The following TAOK3 variants were observed in gnomAD, a reference collection of about 807,000 sequenced individuals.
The protein encoded by TAOK3 is TAO kinase 3, also known as serine/threonine-protein kinase TAO3.
TAOK3 carries 40 observed loss-of-function variants against 120.4 expected under a neutral mutation model. That is an observed-to-expected ratio of 0.33 (90% CI 0.26 to 0.43). The LOEUF is 0.43. TAOK3 is among the 20% of genes least tolerant of loss of function. The pLI, the probability that TAOK3 is intolerant of heterozygous loss-of-function variation, is 1.00. For synonymous variants in TAOK3, 355 were observed against 387.5 expected (o/e 0.92, Z 0.99); for missense variants, 821 against 1,112.1 (o/e 0.74, Z 3.72).
intron 1 of TAOK3, among the ~76,000 whole-genome samples, chr12:118,299,064 C>T (rs2042782501): frequency 6.6e-6 from 1 of 152,144 alleles, no homozygotes; most frequent in African/African-American, 2.4e-5. Flanking sequence ...TCCTGTGTTC[C>T]TCTTGTACTT....
intron 1 of TAOK3, among the ~76,000 whole-genome samples, chr12:118,331,970 G>A (rs761569499): frequency 1.2e-4 from 18 of 151,898 alleles, no homozygotes; most frequent in Non-Finnish European, 2.1e-4. Flanking sequence ...GGGATTACAC[G>A]TGTGCATCAC....
At chr12:118,157,399 C>T (rs1009352968) in intron 19 of TAOK3, among the ~76,000 whole-genome samples, 4 of 152,234 alleles carry the variant, frequency 2.6e-5, no homozygotes, top group Admixed American at 6.5e-5. Context: ...AAAGCCCCTA[C>T]GTGACCCAGC....
chr12:118,236,146 C>T (rs1157786504), intron 7 of TAOK3: 2 of 156,998 alleles, frequency 1.3e-5, no homozygotes, highest in Non-Finnish European at 2.8e-5. Context: ...TACCAATAAA[C>T]CTCAACTACA....
chr12:118,335,548 A>T (rs963542038), intron 1 of TAOK3, among the ~76,000 whole-genome samples: 1 of 152,008 alleles, frequency 6.6e-6, no homozygotes, highest in Admixed American at 6.6e-5. Flanking sequence ...GAATTAACAC[A>T]GCCAGGCATG....
At chr12:118,332,366 T>C (rs1184727987) in intron 1 of TAOK3, among the ~76,000 whole-genome samples, 1 of 152,178 alleles carries the variant, frequency 6.6e-6, no homozygotes, top group Non-Finnish European at 1.5e-5. Flanking sequence ...GATACTCTTG[T>C]TCCACTTTTG....
intron 9 of TAOK3, among the ~76,000 whole-genome samples, chr12:118,225,383 G>T: frequency 6.8e-6 from 1 of 146,262 alleles, no homozygotes. Context: ...TTTAACCTTT[G>T]TCTTGCATGT....
intron 17 of TAOK3, 124 bp downstream of exon 17, chr12:118,172,333 G>T: frequency 1.0e-6 from 1 of 999,772 alleles, no homozygotes; most frequent in Non-Finnish European, 1.5e-6. Flanking sequence ...CTCTGTGTTA[G>T]CCACTGTGCT....
chr12:118,321,374 C>T (rs1308010202), intron 1 of TAOK3, among the ~76,000 whole-genome samples: 1 of 152,164 alleles, frequency 6.6e-6, no homozygotes, highest in Non-Finnish European at 1.5e-5. Context: ...TATCCTCCCA[C>T]CTCAGCCCTC....
At chr12:118,220,158 T>G (rs1037851525) in intron 9 of TAOK3, among the ~76,000 whole-genome samples, 2 of 148,528 alleles carry the variant, frequency 1.3e-5, no homozygotes, top group African/African-American at 5.0e-5. Flanking sequence ...TCCTCCCACC[T>G]TAGCCTCCCA....
chr12:118,321,316 A>C (rs1177131033), intron 1 of TAOK3, among the ~76,000 whole-genome samples: 1 of 152,138 alleles, frequency 6.6e-6, no homozygotes, highest in East Asian at 1.9e-4. Context: ...GCTGGAGTGC[A>C]GTGGCACAAT....
intron 1 of TAOK3, among the ~76,000 whole-genome samples, chr12:118,294,778 T>C (rs2042614391): frequency 7.2e-6 from 1 of 138,228 alleles, no homozygotes; most frequent in East Asian, 1.9e-4. Context: ...CACATTGTTG[T>C]ACCATAGATA....
rs571875444 is a variant in TAOK3 at position 118,295,985 on chromosome 12, A to T, written c.-193-29226T>A. 4.6e-5 allele frequency among the ~76,000 whole-genome samples: 7 copies of T among 152,310 alleles called. No individual in the cohort carries two copies. In the South Asian group the frequency reaches 1.5e-3, roughly 32 times the overall value. On this transcript the variant is annotated intron_variant, in intron 1 of 20. Coordinates refer to ENST00000392533, the MANE Select transcript of TAOK3 (RefSeq NM_016281.4). ...AATATTCATGTGCCAATTGATTCAA[A>T]TCCCCTAGAAAGTCCTAGGATGATA...
At chr12:118,219,796 T>TTA (rs1555224300) in intron 9 of TAOK3, among the ~76,000 whole-genome samples, 5 of 137,976 alleles carry the variant, frequency 3.6e-5, no homozygotes, top group African/African-American at 5.3e-5. Flanking sequence ...TTTTTTTTTT[T>TTA]AGAGATGGGG....
intron 1 of TAOK3, among the ~76,000 whole-genome samples, chr12:118,353,619 T>C (rs2045269430): frequency 6.6e-6 from 1 of 151,912 alleles, no homozygotes; most frequent in Non-Finnish European, 1.5e-5. Flanking sequence ...AAAAAGAGAC[T>C]GAAATGAAGG....
intron 9 of TAOK3, among the ~76,000 whole-genome samples, chr12:118,220,807 G>C (rs567577189): frequency 2.6e-5 from 4 of 152,098 alleles, no homozygotes; most frequent in Admixed American, 1.3e-4. Flanking sequence ...AATTTTAATA[G>C]AGAAGCACAT....
At chr12:118,285,125 C>CTA (rs1404034811) in intron 1 of TAOK3, among the ~76,000 whole-genome samples, 1 of 151,852 alleles carries the variant, frequency 6.6e-6, no homozygotes, top group African/African-American at 2.4e-5. Context: ...CTGAATTAAT[C>CTA]TATATATATC....
intron 1 of TAOK3, among the ~76,000 whole-genome samples, chr12:118,297,827 A>G (rs778839531): frequency 1.1e-4 from 17 of 152,200 alleles, no homozygotes; most frequent in South Asian, 2.1e-4. Context: ...TAATATTTAC[A>G]CTGAATATTA....
intron 1 of TAOK3, among the ~76,000 whole-genome samples, chr12:118,297,635 G>C (rs866540445): frequency 3.3e-5 from 5 of 152,080 alleles, no homozygotes; most frequent in Admixed American, 6.6e-5. Flanking sequence ...TTTCTCTCCT[G>C]TCTGTCCTAT....
chr12:118,318,341 A>G (rs1593523629), intron 1 of TAOK3, among the ~76,000 whole-genome samples: 1 of 151,938 alleles, frequency 6.6e-6, no homozygotes, highest in African/African-American at 2.4e-5. Flanking sequence ...TATTTTTAGT[A>G]AAGACAGGGT....
Sources: allele counts gnomAD v4.1 joint callset (sites outside exome capture counted in the v4.1 genomes callset), GRCh38; gene constraint gnomAD v4.1.1; transcripts MANE v1.5; gene names NCBI Gene and HGNC (gene_info 2026-07-23, HGNC 2026-07-21).